HS3ST4: variants seen among roughly 807,000 people sequenced by gnomAD.
HS3ST4 encodes the protein heparan sulfate glucosamine 3-O-sulfotransferase 4.
HS3ST4 carries 17 observed loss-of-function variants against 29.2 expected under a neutral mutation model. The ratio of observed to expected loss-of-function variants is 0.58; its 90% CI spans 0.40 to 0.87. The LOEUF is 0.87. Ranked by LOEUF, HS3ST4 falls within the 40% of genes least tolerant of loss-of-function variation. The probability of loss-of-function intolerance (pLI) is 0.00; values close to 1 mark genes in which losing one functional copy is unlikely to be tolerated. For synonymous variants in HS3ST4, 314 were observed against 285.7 expected, an observed-to-expected ratio of 1.10 and a Z score of -1.00; for missense variants, 627 against 634.5, an observed-to-expected ratio of 0.99 and a Z score of 0.13.
intron 1 of HS3ST4, among the ~76,000 whole-genome samples, chr16:25,697,324 C>A (rs948250822): frequency 6.6e-6 from 1 of 151,896 alleles, no homozygotes; most frequent in Non-Finnish European, 1.5e-5. Context: ...AATGGATGGC[C>A]CAGAGCTGTT....
At chr16:26,105,183 A>G (rs1899037082) in intron 1 of HS3ST4, among the ~76,000 whole-genome samples, 1 of 152,164 alleles carries the variant, frequency 6.6e-6, no homozygotes, top group Non-Finnish European at 1.5e-5. Context: ...GAACAAAATC[A>G]TGTCATTTGC....
Position 25,692,607 on chromosome 16 carries a change from G to C in HS3ST4, c.190G>C (p.Ala64Pro). The stretch of plus-strand genomic sequence containing the variant: ...CTCGGGCTCCCTGCAATTCCCTCTG[G>C]CGCTGCAGGAGTCGCCGGGCGCCGC... ...GGSGSLQFPL[A>P]LQESPGAAAE... is the part of the protein sequence containing the mutation. Residue 64 changes from alanine (A) to proline (P), a missense_variant, in exon 1 of 2, where the codon GCG becomes CCG. Coordinates refer to ENST00000331351, the MANE Select transcript of HS3ST4 (RefSeq NM_006040.3). 7.2e-7 allele frequency: 1 copy of C among 1,391,526 alleles called. No individual in the cohort carries two copies. Among genetic ancestry groups the C allele is most frequent in the Non-Finnish European group, 9.4e-7 (1 of 1,062,028 alleles). The allele number at this position is 1,391,526 out of a possible 1,614,324, so 86.2% of individuals were successfully genotyped here.
At chr16:26,010,731 G>T (rs1473472201) in intron 1 of HS3ST4, among the ~76,000 whole-genome samples, 1 of 152,094 alleles carries the variant, frequency 6.6e-6, no homozygotes, top group East Asian at 1.9e-4. Flanking sequence ...AGCTAATACC[G>T]CTTGTGGCGA....
chr16:26,136,234 G>A lies in HS3ST4; in HGVS notation c.1357G>A (p.Glu453Lys), dbSNP rs373720008. The A allele has an allele frequency of 3.7e-6, 6 of 1,612,548 alleles. No individual in the cohort carries two copies. The highest frequency in any genetic ancestry group is 2.2e-5 in the East Asian group (1 of 44,778). ...TCAAGATTTTCAGTGGGAACAGGAA[G>A]AGGGTGATAAATGAGGCTAGAGAGG... Reference protein sequence around the residue: ...TGQDFQWEQEEGDK With the variant: ...TGQDFQWEQEKGDK The change falls in exon 2 of 2, where the codon GAG (glutamate) becomes AAG (lysine). Residue 453 changes from glutamate to lysine, a missense_variant. By Grantham distance (56) the Glu-to-Lys change is moderately conservative (BLOSUM62 1). This residue lies in a region of HS3ST4 where 225 missense variants were observed against 293.7 expected (regional missense o/e 0.77). Transcript: ENST00000331351.
chr16:25,714,958 A>G (rs992001989), intron 1 of HS3ST4, among the ~76,000 whole-genome samples: 1 of 152,248 alleles, frequency 6.6e-6, no homozygotes, highest in Non-Finnish European at 1.5e-5. Context: ...GTCAGAAGAC[A>G]ATCTTATTTC....
intron 1 of HS3ST4, among the ~76,000 whole-genome samples, chr16:25,975,745 C>A (rs1197094533): frequency 6.6e-6 from 1 of 152,134 alleles, no homozygotes; most frequent in Non-Finnish European, 1.5e-5. Flanking sequence ...CCAAGCATGC[C>A]ACTTCTCTGT....
At chr16:26,002,666 GGAAAGA>G (rs1969221784) in intron 1 of HS3ST4, among the ~76,000 whole-genome samples, 1 of 138,742 alleles carries the variant, frequency 7.2e-6, no homozygotes, top group Non-Finnish European at 1.5e-5. Flanking sequence ...AGAGAGAGAG[GGAAAGA>G]GAAAGAGATA....
At chr16:25,958,514 A>G (rs1055928301) in intron 1 of HS3ST4, among the ~76,000 whole-genome samples, 3 of 152,054 alleles carry the variant, frequency 2.0e-5, no homozygotes, top group African/African-American at 7.2e-5. Flanking sequence ...TATTTTTAGT[A>G]GAGACGGGGT....
chr16:25,906,822 A>C (rs1968184857), intron 1 of HS3ST4, among the ~76,000 whole-genome samples: 1 of 152,194 alleles, frequency 6.6e-6, no homozygotes, highest in African/African-American at 2.4e-5. Context: ...AGGTAAAATT[A>C]AGTGGATTCC....
chr16:26,054,299 A>AGAGAGAGAGAGAG lies in HS3ST4; in HGVS notation c.735-81313_735-81312insGAGAGAGAGAGAG, dbSNP rs397962355. Among the ~76,000 whole-genome samples the AGAGAGAGAGAGAG allele has an allele frequency of 8.2e-3, 1,160 of 141,230 alleles. 16 individuals carry two copies. The highest frequency in any genetic ancestry group is 0.014 in the South Asian group (62 of 4,536). 92.7% of individuals were successfully genotyped at this position (141,230 alleles called of 152,430 possible). On this transcript the variant is annotated intron_variant, in intron 1 of 1. Coordinates refer to ENST00000331351, the MANE Select transcript of HS3ST4 (RefSeq NM_006040.3). ...GAGAGAGAGAGAGAGAGAGAGAGAG[A>AGAGAGAGAGAGAG]AGGAGGAGGAGGAAGAAGAAGAAGA... is the stretch of plus-strand genomic sequence containing the variant.
chr16:25,696,158 G>A (rs1966294634), intron 1 of HS3ST4, among the ~76,000 whole-genome samples: 1 of 152,170 alleles, frequency 6.6e-6, no homozygotes. Context: ...AGAGAAGCGA[G>A]CCTCACTTGG....
chr16:25,802,924 T>C lies in HS3ST4; in HGVS notation c.734+109773T>C, dbSNP rs903859984. Among the ~76,000 whole-genome samples the C allele has an allele frequency of 2.3e-4, 5 of 22,084 alleles. No homozygotes were observed. In the Admixed American group the frequency reaches 3.0e-3, roughly 13 times the overall value. The allele number at this position is 22,084 out of a possible 152,430, so 14.5% of individuals were successfully genotyped here. ...AAGGAAGGTAGTAGCTTTTAAGTTATATATGTGTGTGTGTGTGTGTGTGTG... is the reference window on the plus strand; with the variant it reads ...AAGGAAGGTAGTAGCTTTTAAGTTACATATGTGTGTGTGTGTGTGTGTGTG... On this transcript the variant is annotated intron_variant, in intron 1 of 1. Transcript: ENST00000331351.
chr16:25,887,641 A>T (rs548486206), intron 1 of HS3ST4, among the ~76,000 whole-genome samples: 4 of 152,002 alleles, frequency 2.6e-5, no homozygotes, highest in Admixed American at 2.0e-4. Flanking sequence ...GGAAATGGTA[A>T]GACATCCATA....
chr16:26,103,881 A>G (rs1899018381), intron 1 of HS3ST4, among the ~76,000 whole-genome samples: 1 of 152,190 alleles, frequency 6.6e-6, no homozygotes, highest in Non-Finnish European at 1.5e-5. Flanking sequence ...ATATAAGACA[A>G]CACCCACACC....
intron 1 of HS3ST4, among the ~76,000 whole-genome samples, chr16:26,001,600 A>G (rs945884323): frequency 6.6e-6 from 1 of 152,162 alleles, no homozygotes; most frequent in Non-Finnish European, 1.5e-5. Flanking sequence ...GTTTTGAAAG[A>G]CACTGCAATT....
intron 1 of HS3ST4, among the ~76,000 whole-genome samples, chr16:25,696,941 T>G (rs567599735): frequency 2.6e-5 from 4 of 152,346 alleles, no homozygotes; most frequent in Non-Finnish European, 5.9e-5. Context: ...ATTTCCACTT[T>G]ACACGTGGCT....
intron 1 of HS3ST4, among the ~76,000 whole-genome samples, chr16:25,856,556 C>T (rs185897116): frequency 4.9e-4 from 74 of 152,208 alleles, no homozygotes; most frequent in African/African-American, 1.8e-3. Flanking sequence ...CCAGCGGTGT[C>T]CAATCTTTTG....
At chr16:25,804,534 G>A (rs1443091622) in intron 1 of HS3ST4, among the ~76,000 whole-genome samples, 2 of 152,146 alleles carry the variant, frequency 1.3e-5, no homozygotes, top group East Asian at 3.9e-4. Context: ...TTCCTTGAGA[G>A]TGGAAAGCAG....
At chr16:26,047,678 C>T (rs994226970) in intron 1 of HS3ST4, among the ~76,000 whole-genome samples, 4 of 152,216 alleles carry the variant, frequency 2.6e-5, no homozygotes, top group African/African-American at 9.7e-5. Context: ...TCAGCTATTA[C>T]TCACTTCCTT....
Sources: allele counts gnomAD v4.1 joint callset (sites outside exome capture counted in the v4.1 genomes callset), GRCh38; gene constraint gnomAD v4.1.1; regional missense constraint gnomAD v4.1.1; transcripts MANE v1.5; gene names NCBI Gene and HGNC (gene_info 2026-07-23, HGNC 2026-07-21).